The following LGSN variants were observed in gnomAD, a reference collection of about 807,000 sequenced individuals.
LGSN encodes the protein lengsin, lens protein with glutamine synthetase domain, also known as lengsin.
A neutral mutation model predicts 19.5 loss-of-function variants in LGSN; 21 were observed. The ratio of observed to expected loss-of-function variants is 1.07; its 90% confidence interval spans 0.76 to 1.55. LGSN has a LOEUF of 1.55. Ranked by LOEUF, LGSN falls within the 40% of genes most tolerant of loss-of-function variation. The pLI is 0.00. For missense variants in LGSN, 673 were observed against 608.5 expected (o/e 1.11, Z -1.12); for synonymous variants, 257 against 215.6 (o/e 1.19, Z -1.68).
chr6:63,285,121 A>T (rs546856741), intron 3 of LGSN, among the ~76,000 whole-genome samples: 6 of 152,342 alleles, frequency 3.9e-5, no homozygotes, highest in Non-Finnish European at 5.9e-5. Context: ...TAAGTCATCC[A>T]ACAACAATGG....
the LGSN span, among the ~76,000 whole-genome samples, chr6:63,477,687 C>CTTTTTTTTTTTTT: frequency 0.01 from 638 of 61,152 alleles, 18 homozygotes; most frequent in Middle Eastern, 0.016. Context: ...TTCTTTTTTT[C>CTTTTTTTTTTTTT]TTTTTTTTTT....
At chr6:63,345,919 A>C in the LGSN span, among the ~76,000 whole-genome samples, 2 of 152,182 alleles carry the variant, frequency 1.3e-5, no homozygotes, top group African/African-American at 4.8e-5. Flanking sequence ...AATTTTCAAA[A>C]CTAAATGGTC....
At chr6:63,524,485 A>T in the LGSN span, among the ~76,000 whole-genome samples, 1 of 152,200 alleles carries the variant, frequency 6.6e-6, no homozygotes, top group African/African-American at 2.4e-5. Flanking sequence ...ACTTCAAGGT[A>T]GTATATGTAA....
chr6:63,379,337 G>A, the LGSN span, among the ~76,000 whole-genome samples: 77 of 152,282 alleles, frequency 5.1e-4, no homozygotes, highest in Admixed American at 2.1e-3. Flanking sequence ...AACTGCTGTT[G>A]TTGGCACATC....
the LGSN span, among the ~76,000 whole-genome samples, chr6:63,535,123 T>C: frequency 6.6e-6 from 1 of 152,068 alleles, no homozygotes; most frequent in East Asian, 1.9e-4. Context: ...GGTAATAAAA[T>C]ACATGGGGTG....
the LGSN span, among the ~76,000 whole-genome samples, chr6:63,459,797 C>A: frequency 6.6e-6 from 1 of 152,038 alleles, no homozygotes; most frequent in Admixed American, 6.6e-5. Context: ...TCCTGTAATT[C>A]CAGCTACTCA....
In LGSN at chr6:63,280,432, C is replaced by G; in HGVS notation, c.1119G>C (p.Arg373Ser). ...VSCRKRYSKDRKDLKKSVPTT... is the reference protein window; with the variant it reads ...VSCRKRYSKDSKDLKKSVPTT... ...TAGGCACACTCTTCTTCAGGTCTTT[C>G]CTGTCCTTGGAATAACGCTTTCGGC... Residue 373 changes from arginine to serine, a missense_variant, in exon 4 of 4, where the codon AGG (arginine) becomes AGC (serine). Transcript: ENST00000370657. 6.2e-7 allele frequency: 1 copy of G among 1,614,198 alleles called. No homozygotes were observed.
At position 63,278,521 on chromosome 6, in the gene LGSN, C is replaced by T. The variant is rs1039261839; in HGVS notation, c.*1500G>A. 6.6e-6 allele frequency: 1 copy of T among 152,234 alleles called. No individual in the cohort carries two copies. Among genetic ancestry groups the T allele is most frequent in the African/African-American group, 2.4e-5 (1 of 41,394 alleles). 9.4% of individuals were successfully genotyped at this position (152,234 alleles called of 1,614,324 possible). Reference sequence around the variant, plus strand: ...CTGGAGTGCAGTGGTGTGATTATGGCTCACTGCAGCCTGAAACTCCCAGGC... The same window carrying T: ...CTGGAGTGCAGTGGTGTGATTATGGTTCACTGCAGCCTGAAACTCCCAGGC... On this transcript the variant is annotated 3_prime_UTR_variant, in exon 4 of 4. Transcript: ENST00000370657.
chr6:63,450,536 A>G, the LGSN span, among the ~76,000 whole-genome samples: 1 of 146,428 alleles, frequency 6.8e-6, no homozygotes, highest in Non-Finnish European at 1.5e-5. Context: ...CAAGAGCAAA[A>G]CTAAACTCCA....
the LGSN span, among the ~76,000 whole-genome samples, chr6:63,468,374 C>T: frequency 2.0e-5 from 3 of 151,960 alleles, no homozygotes; most frequent in Non-Finnish European, 2.9e-5. Flanking sequence ...GTGATACACC[C>T]GCCTTGGCTT....
At chr6:63,432,178 A>G in the LGSN span, among the ~76,000 whole-genome samples, 6 of 92,484 alleles carry the variant, frequency 6.5e-5, no homozygotes, top group African/African-American at 2.7e-4. Context: ...AGAAAAGGAA[A>G]GAAAGAAAAG....
At chr6:63,445,166 C>T in the LGSN span, among the ~76,000 whole-genome samples, 1 of 151,526 alleles carries the variant, frequency 6.6e-6, no homozygotes, top group East Asian at 1.9e-4. Context: ...CAAAAATTAG[C>T]TGGGTGTGGT....
chr6:63,359,062 A>G, the LGSN span, among the ~76,000 whole-genome samples: 4 of 152,262 alleles, frequency 2.6e-5, no homozygotes, highest in South Asian at 8.3e-4. Flanking sequence ...AATTTTGTCA[A>G]AGGCCTTTTC....
the LGSN span, among the ~76,000 whole-genome samples, chr6:63,339,065 A>G: frequency 6.6e-6 from 1 of 152,138 alleles, no homozygotes; most frequent in East Asian, 1.9e-4. Flanking sequence ...CTTTGTTTTA[A>G]TTTCTGAGAC....
At chr6:63,381,516 A>G in the LGSN span, among the ~76,000 whole-genome samples, 3 of 152,254 alleles carry the variant, frequency 2.0e-5, no homozygotes, top group African/African-American at 7.2e-5. Context: ...AAGTAATATC[A>G]AACAGGCTAG....
chr6:63,552,682 T>C, the LGSN span, among the ~76,000 whole-genome samples: 8 of 152,238 alleles, frequency 5.3e-5, no homozygotes, highest in Non-Finnish European at 1.2e-4. Context: ...AACATTTAAG[T>C]CTTTAATCCA....
chr6:63,493,259 A>G, the LGSN span, among the ~76,000 whole-genome samples: 1 of 152,210 alleles, frequency 6.6e-6, no homozygotes, highest in African/African-American at 2.4e-5. Flanking sequence ...TCATTGTAAA[A>G]CTACAAGGAA....
chr6:63,565,449 A>C, the LGSN span, among the ~76,000 whole-genome samples: 2 of 151,266 alleles, frequency 1.3e-5, no homozygotes, highest in Non-Finnish European at 3.0e-5. Context: ...ATAGACTTTA[A>C]AAAAAAAAGT....
At chr6:63,544,787 A>G in the LGSN span, among the ~76,000 whole-genome samples, 1 of 152,144 alleles carries the variant, frequency 6.6e-6, no homozygotes, top group Non-Finnish European at 1.5e-5. Flanking sequence ...TTTCCTCTCC[A>G]CGTATCCTAT....
Sources: gnomAD v4.1 joint callset for allele counts (sites outside exome capture counted in the v4.1 genomes callset) on GRCh38, gnomAD v4.1.1 for gene constraint, MANE v1.5 for transcripts, NCBI Gene and HGNC (gene_info 2026-07-23, HGNC 2026-07-21) for gene names.